Variants in GRIN2C observed in about 807,000 individuals in gnomAD.
The protein encoded by GRIN2C is glutamate receptor ionotropic, NMDA 2C.
GRIN2C carries 64 observed loss-of-function variants against 77.7 expected under a neutral mutation model. The ratio of observed to expected loss-of-function variants is 0.82; its 90% CI spans 0.67 to 1.01. GRIN2C has a LOEUF of 1.01. Ranked by LOEUF, GRIN2C falls within the 50% of genes least tolerant of loss-of-function variation. The probability of loss-of-function intolerance (pLI) is 0.00; values close to 1 mark genes in which losing one functional copy is unlikely to be tolerated. For synonymous variants in GRIN2C, 792 were observed against 643.4 expected, an observed-to-expected ratio of 1.23 and a Z score of -3.49; for missense variants, 1,549 against 1,486.0, an observed-to-expected ratio of 1.04 and a Z score of -0.70.
chr17:74,854,784 C>T lies in GRIN2C; in HGVS notation c.309G>A (p.Ala103=), dbSNP rs565070752. The T allele has an allele frequency of 8.7e-6, 14 of 1,613,810 alleles. No homozygotes were observed. The highest frequency in any genetic ancestry group is 3.3e-5 in the South Asian group (3 of 91,066). Residue 103 remains alanine (A), a synonymous_variant, in exon 2 of 13, where the codon GCG becomes GCA. Transcript: ENST00000293190. The stretch of plus-strand genomic sequence containing the variant: ...AGATGAAGTCAAGGATCTGGGCCAC[C>T]GCCTCGGTGTCCACGTTGTCCTCAA... The part of the protein sequence containing the change: ...IVFEDNVDTE[A]VAQILDFISS...
In GRIN2C at chr17:74,852,110, G is replaced by T. The variant is rs1218283166; in HGVS notation, c.901C>A (p.His301Asn). ...DGVAILALGA[H>N]SYWRQHGTLP... Reference sequence around the variant, plus strand: ...GTTCCATGCTGGCGCCAGTAGCTGTGGGCGCCCAGGGCCAGAATGGCCACG... The same window carrying T: ...GTTCCATGCTGGCGCCAGTAGCTGTTGGCGCCCAGGGCCAGAATGGCCACG... The change falls in exon 3 of 13, where the codon CAC becomes AAC. Residue 301 changes from histidine to asparagine, a missense_variant. By Grantham distance (68) the His-to-Asn change is moderately conservative. This residue lies in a region of GRIN2C where 717 missense variants were observed against 858.1 expected (regional missense o/e 0.84). Transcript: ENST00000293190. 9 of 1,460,174 alleles carry T rather than the reference G, an allele frequency of 6.2e-6. No individual in the cohort carries two copies. Among genetic ancestry groups the T allele is most frequent in the Non-Finnish European group, 8.1e-6 (9 of 1,105,106 alleles). The allele number at this position is 1,460,174 out of a possible 1,614,324, so 90.5% of individuals were successfully genotyped here.
At position 74,850,956 on chromosome 17, in the gene GRIN2C, A is replaced by G. The variant is rs2037623950; in HGVS notation, c.1114-189T>C. The stretch of plus-strand genomic sequence containing the variant: ...TTCATACAGCTCCACACTGACCCAC[A>G]GCATCTTCCTAAAGCCCAGACCTGA... On this transcript the variant is annotated intron_variant, in intron 4 of 12. Coordinates refer to ENST00000293190, the MANE Select transcript of GRIN2C (RefSeq NM_000835.6). This position sits in a 1 kb window ranked among gnomAD's most constrained non-coding sequence, Gnocchi z 5.3. 3.3e-6 allele frequency: 2 copies of G among 605,930 alleles called. No homozygotes were observed. The highest frequency in any genetic ancestry group is 2.9e-5 in the Admixed American group (1 of 34,762). 37.5% of individuals were successfully genotyped at this position (605,930 alleles called of 1,614,324 possible).
chr17:74,849,342 G>A lies in GRIN2C; in HGVS notation c.1645+438C>T, dbSNP rs919356290. Among the ~76,000 whole-genome samples, 7 of 152,146 alleles carry A rather than the reference G, an allele frequency of 4.6e-5. No individual in the cohort carries two copies. Among genetic ancestry groups the A allele is most frequent in the Non-Finnish European group, 8.8e-5 (6 of 68,024 alleles). ...GGAACTTTGGGAAGGCAAAGACTACGCTGTAGCCCCAGCACCCAGCATGGG... is the reference window on the plus strand; with the variant it reads ...GGAACTTTGGGAAGGCAAAGACTACACTGTAGCCCCAGCACCCAGCATGGG... On this transcript the variant is annotated intron_variant, in intron 7 of 12. Transcript: ENST00000293190. The surrounding 1 kb of genome is among the most constrained non-coding windows in gnomAD (Gnocchi z 4.6).
chr17:74,844,383 T>C lies in GRIN2C; in HGVS notation c.2476A>G (p.Met826Val), dbSNP rs1204644055. The change falls in exon 12 of 13, where the codon ATG becomes GTG. Residue 826 changes from methionine (M) to valine (V), a missense_variant. Physicochemically the swap from Met to Val is conservative, Grantham distance 21. Around this residue, in one of 3 missense-constraint regions of GRIN2C, gnomAD observed 717 missense variants for 858.1 expected, o/e 0.84. Coordinates refer to ENST00000293190, the MANE Select transcript of GRIN2C (RefSeq NM_000835.6). ...GCGAAGACCAGCAGGGCCAGCCCCATGGCCACCAGCAGCATGTAGAAGACG... is the reference window on the plus strand; with the variant it reads ...GCGAAGACCAGCAGGGCCAGCCCCACGGCCACCAGCAGCATGTAGAAGACG... ...AGVFYMLLVA[M>V]GLALLVFAWE... 1.9e-6 allele frequency: 3 copies of C among 1,614,082 alleles called. No individual in the cohort carries two copies. In the African/African-American group the frequency reaches 4.0e-5, roughly 22 times the overall value.
chr17:74,847,466 C>G lies in GRIN2C; in HGVS notation c.1843G>C (p.Val615Leu), dbSNP rs747113899. The G allele has an allele frequency of 1.2e-6, 2 of 1,614,110 alleles. No homozygotes were observed. The highest frequency in any genetic ancestry group is 1.1e-5 in the South Asian group (1 of 91,084). ...LLWALVFNNS[V>L]PIENPRGTTS... ...GTGCCCCGCGGGTTCTCGATGGGCA[C>G]TGAGTTGTTGAAGACCAGCGCCCAC... The change falls in exon 9 of 13, where the codon GTG (valine) becomes CTG (leucine). Residue 615 changes from valine (V) to leucine (L), a missense_variant. Transcript: ENST00000293190. This position sits in a 1 kb window ranked among gnomAD's most constrained non-coding sequence, Gnocchi z 5.2.
chr17:74,846,785 C>T lies in GRIN2C; in HGVS notation c.2137G>A (p.Asp713Asn). ...CCCATCTTGAGGCTGGTGAGCGCGTCCTCCACCGAGCGCTGGTTGAACTTG... is the reference window on the plus strand; with the variant it reads ...CCCATCTTGAGGCTGGTGAGCGCGTTCTCCACCGAGCGCTGGTTGAACTTG... ...MVKFNQRSVE[D>N]ALTSLKMGKL... is the part of the protein sequence containing the mutation. Residue 713 changes from aspartate to asparagine, a missense_variant, in exon 10 of 13, where the codon GAC (aspartate) becomes AAC (asparagine). Physicochemically the swap from Asp to Asn is conservative, Grantham distance 23. Transcript: ENST00000293190. This position sits in a 1 kb window ranked among gnomAD's most constrained non-coding sequence, Gnocchi z 4.4. 2 of 1,614,030 alleles carry T rather than the reference C, an allele frequency of 1.2e-6. No homozygotes were observed. Among genetic ancestry groups the T allele is most frequent in the South Asian group, 1.1e-5 (1 of 91,070 alleles).
Position 74,842,821 on chromosome 17 carries a change from C to A in GRIN2C, c.3316G>T (p.Ala1106Ser). ...LPAGCTGPAC[A>S]RPDGHSACRR... ...CAGGCCGAGTGGCCGTCGGGGCGGG[C>A]GCAGGCGGGGCCGGTGCACCCAGCG... is the stretch of plus-strand genomic sequence containing the variant. The change falls in exon 13 of 13, where the codon GCC (alanine) becomes TCC (serine). Residue 1106 changes from alanine (A) to serine (S), a missense_variant. Coordinates refer to ENST00000293190, the MANE Select transcript of GRIN2C (RefSeq NM_000835.6). 1.7e-6 allele frequency: 1 copy of A among 600,896 alleles called. No individual in the cohort carries two copies. Among genetic ancestry groups the A allele is most frequent in the Non-Finnish European group, 2.9e-6 (1 of 343,132 alleles). The allele number at this position is 600,896 out of a possible 1,614,324, so 37.2% of individuals were successfully genotyped here.
chr17:74,858,292 T>C (rs1168353288), intron 1 of GRIN2C, among the ~76,000 whole-genome samples: 1 of 118,690 alleles, frequency 8.4e-6, no homozygotes, highest in African/African-American at 3.2e-5. Context: ...GACATCCTCA[T>C]GGGCTGGGGA....
In GRIN2C at chr17:74,842,925, C is replaced by A. The variant is rs1482740008; in HGVS notation, c.3212G>T (p.Trp1071Leu). The A allele has an allele frequency of 3.5e-6, 2 of 569,176 alleles. No homozygotes were observed. Among genetic ancestry groups the A allele is most frequent in the Admixed American group, 3.3e-5 (1 of 29,994 alleles). The allele number at this position is 569,176 out of a possible 1,614,324, so 35.3% of individuals were successfully genotyped here. A position where few individuals can be genotyped will look rare whatever the true frequency, so the allele number is the denominator to read the frequency against. ...GTGACGCGGGCGCGAGCCCCGGGCCCAGGCCGCGTGCAGCAGGGCCTCCCG... is the reference window on the plus strand; with the variant it reads ...GTGACGCGGGCGCGAGCCCCGGGCCAAGGCCGCGTGCAGCAGGGCCTCCCG... ...ARREALLHAAWARGSRPRHAS... is the reference protein window; with the variant it reads ...ARREALLHAALARGSRPRHAS... Residue 1071 changes from tryptophan (W) to leucine (L), a missense_variant, in exon 13 of 13, where the codon TGG becomes TTG. Physicochemically the swap from Trp to Leu is moderately conservative, Grantham distance 61. Transcript: ENST00000293190.
Position 74,851,484 on chromosome 17 carries a change from G to A in GRIN2C, c.1113+93C>T, listed in dbSNP as rs907011624. The A allele has an allele frequency of 4.2e-6, 3 of 715,682 alleles. No homozygotes were observed. The African/African-American group carries it at 5.3e-5, about 13-fold the overall frequency. The allele number at this position is 715,682 out of a possible 1,614,324, so 44.3% of individuals were successfully genotyped here. The stretch of plus-strand genomic sequence containing the variant: ...CTGGAAGATGAGGGGTTGGATAAGG[G>A]ACAGAGGGACTCTCTGCTCAGCTGT... On this transcript the variant is annotated intron_variant, in intron 4 of 12. Coordinates refer to ENST00000293190, the MANE Select transcript of GRIN2C (RefSeq NM_000835.6).
Position 74,852,136 on chromosome 17 carries a change from C to T in GRIN2C, c.875G>A (p.Gly292Asp). 6.9e-7 allele frequency: 1 copy of T among 1,450,250 alleles called. No individual in the cohort carries two copies. Among genetic ancestry groups the T allele is most frequent in the African/African-American group, 1.5e-5 (1 of 68,372 alleles). The allele number at this position is 1,450,250 out of a possible 1,614,324, so 89.8% of individuals were successfully genotyped here. ...RLSLRQKVRD[G>D]VAILALGAHS... ...GGCGCCCAGGGCCAGAATGGCCACG[C>T]CGTCGCGCACCTTCTGGCGCAGGCT... The change falls in exon 3 of 13, where the codon GGC becomes GAC. Residue 292 changes from glycine to aspartate, a missense_variant. Around this residue, in one of 3 missense-constraint regions of GRIN2C, gnomAD observed 717 missense variants for 858.1 expected, o/e 0.84. Transcript: ENST00000293190.
At chr17:74,848,853 C>T (rs926260029) in intron 7 of GRIN2C, among the ~76,000 whole-genome samples, 2 of 152,076 alleles carry the variant, frequency 1.3e-5, no homozygotes, top group Non-Finnish European at 2.9e-5. Context: ...CCTGTCTCTA[C>T]ACAAAATACA....
rs1326753048 is a variant in GRIN2C, at chr17:74,850,046, C to T, written c.1492-113G>A. The T allele has an allele frequency of 7.3e-7, 1 of 1,368,468 alleles. No individual in the cohort carries two copies. The highest frequency in any genetic ancestry group is 1.4e-5 in the African/African-American group (1 of 69,852). The allele number at this position is 1,368,468 out of a possible 1,614,324, so 84.8% of individuals were successfully genotyped here. Reference sequence around the variant, plus strand: ...ACCCACCAGCTGAGTCAATCATTCCCTCTGGGGCCCTCAGAGCTCAGCTTT... The same window carrying T: ...ACCCACCAGCTGAGTCAATCATTCCTTCTGGGGCCCTCAGAGCTCAGCTTT... On this transcript the variant is annotated intron_variant, in intron 6 of 12. Transcript: ENST00000293190. The surrounding 1 kb of genome is among the most constrained non-coding windows in gnomAD (Gnocchi z 5.3).
rs768679413 is a variant in GRIN2C, at chr17:74,842,444, T to C, written c.3693A>G (p.Ser1231=). ...CTWRRISSLE[S]EV is the part of the protein sequence containing the mutation. The stretch of plus-strand genomic sequence containing the variant: ...CTGAGTGGCTGATAACTCACACTTC[T>C]GACTCCAGACTGGAGATCCGTCTCC... The change falls in exon 13 of 13, where the codon TCA becomes TCG. Residue 1231 remains serine (S), a synonymous_variant. Transcript: ENST00000293190. The C allele has an allele frequency of 1.0e-5, 8 of 774,454 alleles. No individual in the cohort carries two copies. In the Admixed American group the frequency reaches 1.2e-4, roughly 12 times the overall value. The allele number at this position is 774,454 out of a possible 1,614,324, so 48.0% of individuals were successfully genotyped here. A position where few individuals can be genotyped will look rare whatever the true frequency, so the allele number is the denominator to read the frequency against.
At position 74,847,261 on chromosome 17, in the gene GRIN2C, C is replaced by T. The variant is rs1209899863; in HGVS notation, c.2001+47G>A. On this transcript the variant is annotated intron_variant, in intron 9 of 12. Transcript: ENST00000293190. The surrounding 1 kb of genome is among the most constrained non-coding windows in gnomAD (Gnocchi z 5.2). ...GGGCCTGCCCACTCACGGCCTGTCC[C>T]CACCCTCAGTGCCCCCCCCCACCCC... is the stretch of plus-strand genomic sequence containing the variant. 2.3e-6 allele frequency: 2 copies of T among 865,580 alleles called. No individual in the cohort carries two copies. The highest frequency in any genetic ancestry group is 5.6e-5 in the East Asian group (2 of 35,490). The allele number at this position is 865,580 out of a possible 1,614,324, so 53.6% of individuals were successfully genotyped here. A position where few individuals can be genotyped will look rare whatever the true frequency, so the allele number is the denominator to read the frequency against.
chr17:74,860,185 G>A (rs112369846), upstream of GRIN2C, among the ~76,000 whole-genome samples: 1 of 152,220 alleles, frequency 6.6e-6, no homozygotes, highest in Non-Finnish European at 1.5e-5. Context: ...TATTCTTCGG[G>A]AGTTTAGAAA....
chr17:74,851,757 G>A (rs892998320), intron 3 of GRIN2C, 66 bp from the exon 4 acceptor site: 17 of 974,256 alleles, frequency 1.7e-5, no homozygotes, highest in African/African-American at 4.9e-5. Context: ...CTGCCTCACC[G>A]CCGCCACCGA....
rs148435312 is a variant in GRIN2C at position 74,849,859 on chromosome 17, G to A, written c.1566C>T (p.Phe522=). The part of the protein sequence containing the change: ...INEERSEIVD[F]SVPFVETGIS... ...TGCCCGTCTCCACAAAGGGTACAGAGAAGTCTACGATCTCGGAGCGTTCCT... is the reference window on the plus strand; with the variant it reads ...TGCCCGTCTCCACAAAGGGTACAGAAAAGTCTACGATCTCGGAGCGTTCCT... The change falls in exon 7 of 13, where the codon TTC becomes TTT. Residue 522 remains phenylalanine (F), a synonymous_variant. Coordinates refer to ENST00000293190, the MANE Select transcript of GRIN2C (RefSeq NM_000835.6). This position sits in a 1 kb window ranked among gnomAD's most constrained non-coding sequence, Gnocchi z 4.6. 5 of 1,613,628 alleles carry A rather than the reference G, an allele frequency of 3.1e-6. No individual in the cohort carries two copies. The highest frequency in any genetic ancestry group is 2.7e-5 in the African/African-American group (2 of 74,912).
chr17:74,842,649 G>GC lies in GRIN2C; in HGVS notation c.3487dup (p.Ala1163GlyfsTer116), dbSNP rs1161699823. On this transcript the variant is annotated frameshift_variant, in exon 13 of 13. Coordinates refer to ENST00000293190, the MANE Select transcript of GRIN2C (RefSeq NM_000835.6). LOFTEE classifies it high-confidence loss of function. ...ACAGGGTGGAAGGTGAGGACAGACAGCCCCCCAGCAAAATGGCAGGTGGGC... is the reference window on the plus strand; with the variant it reads ...ACAGGGTGGAAGGTGAGGACAGACAGCCCCCCCAGCAAAATGGCAGGTGGGC... 5.3e-6 allele frequency: 4 copies of GC among 750,052 alleles called. No homozygotes were observed. Among genetic ancestry groups the GC allele is most frequent in the East Asian group, 5.0e-5 (2 of 39,652 alleles). The allele number at this position is 750,052 out of a possible 1,614,324, so 46.5% of individuals were successfully genotyped here.
Sources: gnomAD v4.1 joint callset for allele counts (sites outside exome capture counted in the v4.1 genomes callset) on GRCh38, gnomAD v4.1.1 for gene constraint, gnomAD v4.1.1 regional missense constraint, Gnocchi (gnomAD v3.1) non-coding constraint, MANE v1.5 for transcripts, NCBI Gene and HGNC (gene_info 2026-07-23, HGNC 2026-07-21) for gene names.